PPP1R42: variants seen among roughly 807,000 people sequenced by gnomAD.
PPP1R42 encodes leucine rich repeat containing 67.
A neutral mutation model predicts 31.0 loss-of-function variants in PPP1R42; 34 were observed. That is an observed-to-expected ratio of 1.10 (90% CI 0.83 to 1.46). The LOEUF (loss-of-function observed/expected upper bound fraction) is 1.46, where lower values mean the gene tolerates loss of function less well. Ranked by LOEUF, PPP1R42 falls within the 40% of genes most tolerant of loss-of-function variation. The probability of loss-of-function intolerance (pLI) is 0.00; values close to 1 mark genes in which losing one functional copy is unlikely to be tolerated. For missense variants in PPP1R42, 268 were observed against 303.0 expected (o/e 0.88, Z 0.86); for synonymous variants, 103 against 109.8 (o/e 0.94, Z 0.39).
chr8:66,985,726 G>A, intron 6 of PPP1R42: 1 of 1,298,366 alleles, frequency 7.7e-7, no homozygotes, highest in Non-Finnish European at 1.1e-6. Context: ...CTTTGGCTGA[G>A]GTGTAGGGGG....
At chr8:66,965,074 A>C (rs192566994) in intron 7 of PPP1R42, among the ~76,000 whole-genome samples, 7 of 152,278 alleles carry the variant, frequency 4.6e-5, no homozygotes, top group Admixed American at 4.6e-4. Context: ...TTCACTTAGC[A>C]TAATGCTTTT....
intron 7 of PPP1R42, among the ~76,000 whole-genome samples, chr8:66,977,090 G>A (rs1814698911): frequency 6.7e-6 from 1 of 149,826 alleles, no homozygotes; most frequent in Non-Finnish European, 1.5e-5. Flanking sequence ...CTGAAGTGTA[G>A]TTGTGTGATC....
At chr8:66,968,542 G>C (rs1326211348) in intron 7 of PPP1R42, 1 of 933,938 alleles carries the variant, frequency 1.1e-6, no homozygotes, top group East Asian at 1.2e-4. Context: ...TAAGGCAAGG[G>C]GTAGCTTTAA....
rs57947189 is a variant in PPP1R42 at position 67,013,526 on chromosome 8, CTAAATAAA to C, written c.297-438_297-431del. ...TGGGCAACATAGGGAGATCCCATCT[CTAAATAAA>C]TAAATAAATAAATAAATAAATAAAT... On this transcript the variant is annotated intron_variant, in intron 3 of 7. Transcript: ENST00000685739. Among the ~76,000 whole-genome samples, 244 of 146,236 alleles carry C rather than the reference CTAAATAAA, an allele frequency of 1.7e-3. 2 individuals carry two copies. The highest frequency in any genetic ancestry group is 4.6e-3 in the Admixed American group (67 of 14,606).
intron 7 of PPP1R42, among the ~76,000 whole-genome samples, chr8:66,978,128 A>G (rs1410500948): frequency 3.3e-5 from 5 of 152,164 alleles, no homozygotes; most frequent in Admixed American, 3.3e-4. Context: ...TTATAAAGAA[A>G]AAGAGGTTTA....
intron 2 of PPP1R42, among the ~76,000 whole-genome samples, chr8:67,014,949 G>A (rs1815960437): frequency 6.6e-6 from 1 of 152,054 alleles, no homozygotes; most frequent in Admixed American, 6.6e-5. Flanking sequence ...CTGTAGAATT[G>A]GAAGTCAACT....
intron 5 of PPP1R42, among the ~76,000 whole-genome samples, chr8:67,008,738 G>A (rs1314413122): frequency 4.6e-5 from 7 of 150,650 alleles, no homozygotes; most frequent in Non-Finnish European, 1.0e-4. Context: ...GGATTTAGAT[G>A]TTGGTCATTA....
At chr8:67,001,297 C>G (rs1469148990) in intron 5 of PPP1R42, among the ~76,000 whole-genome samples, 1 of 150,052 alleles carries the variant, frequency 6.7e-6, no homozygotes, top group Non-Finnish European at 1.5e-5. Context: ...GTGATCCTCC[C>G]ACCTTGGCCT....
intron 7 of PPP1R42, among the ~76,000 whole-genome samples, chr8:66,977,989 T>C (rs1814725880): frequency 6.6e-6 from 1 of 152,330 alleles, no homozygotes; most frequent in South Asian, 2.1e-4. Flanking sequence ...TTCTGTTCTC[T>C]ATAGTGGTTG....
chr8:67,012,295 T>G (rs536895634), intron 4 of PPP1R42, among the ~76,000 whole-genome samples: 1 of 152,276 alleles, frequency 6.6e-6, no homozygotes, highest in East Asian at 1.9e-4. Flanking sequence ...CCATGTCCCA[T>G]TTATGTGTCC....
intron 1 of PPP1R42, among the ~76,000 whole-genome samples, chr8:67,023,915 T>G (rs1321872199): frequency 6.6e-5 from 10 of 151,736 alleles, no homozygotes; most frequent in Non-Finnish European, 2.9e-5. Context: ...GAGGCTGAGG[T>G]GGGCAGATCA....
chr8:67,003,770 T>G (rs1401215656), intron 5 of PPP1R42, among the ~76,000 whole-genome samples: 2 of 152,186 alleles, frequency 1.3e-5, no homozygotes, highest in Non-Finnish European at 2.9e-5. Flanking sequence ...TGTTGAAACT[T>G]AATTGCCAAT....
At chr8:66,986,131 G>C (rs1396723472) in intron 6 of PPP1R42, 1 of 674,510 alleles carries the variant, frequency 1.5e-6, no homozygotes, top group African/African-American at 1.8e-5. Flanking sequence ...CAATGCTGCT[G>C]TGACCACTGT....
chr8:66,972,683 C>G (rs1814569141), intron 7 of PPP1R42, among the ~76,000 whole-genome samples: 1 of 152,178 alleles, frequency 6.6e-6, no homozygotes, highest in African/African-American at 2.4e-5. Flanking sequence ...AGCCACCGCA[C>G]CTGGCCGAGA....
intron 7 of PPP1R42, chr8:66,968,544 T>C: frequency 1.9e-5 from 18 of 934,916 alleles, no homozygotes; most frequent in Non-Finnish European, 2.3e-5. Context: ...AGGCAAGGGG[T>C]AGCTTTAATC....
intron 6 of PPP1R42, among the ~76,000 whole-genome samples, chr8:66,986,738 G>C (rs1224005672): frequency 6.6e-6 from 1 of 152,236 alleles, no homozygotes; most frequent in Non-Finnish European, 1.5e-5. Flanking sequence ...GTGCGCAAAA[G>C]TAAACTGCTA....
intron 6 of PPP1R42, chr8:66,984,721 G>A: frequency 2.5e-6 from 4 of 1,603,766 alleles, no homozygotes; most frequent in Non-Finnish European, 3.4e-6. Flanking sequence ...TGCCATCTGA[G>A]CTGTGACATG....
At chr8:67,001,988 T>A (rs1196031779) in intron 5 of PPP1R42, among the ~76,000 whole-genome samples, 2 of 152,184 alleles carry the variant, frequency 1.3e-5, no homozygotes, top group Non-Finnish European at 2.9e-5. Flanking sequence ...CAGGTTTTAT[T>A]TTTCTTTATT....
At chr8:67,007,599 G>A (rs1346575051) in intron 5 of PPP1R42, among the ~76,000 whole-genome samples, 1 of 152,098 alleles carries the variant, frequency 6.6e-6, no homozygotes, top group African/African-American at 2.4e-5. Context: ...GGCCTGCCTC[G>A]GCCTTCCAAA....
Sources: gnomAD v4.1 joint callset for allele counts (sites outside exome capture counted in the v4.1 genomes callset) on GRCh38, gnomAD v4.1.1 for gene constraint, MANE v1.5 for transcripts, NCBI Gene and HGNC (gene_info 2026-07-23, HGNC 2026-07-21) for gene names.